Variants in PFKP observed in about 807,000 individuals in gnomAD.
PFKP encodes ATP-dependent 6-phosphofructokinase, platelet type.
Under a neutral mutation model 94.3 loss-of-function variants are expected in PFKP, and 101 were observed. The ratio of observed to expected loss-of-function variants is 1.07; its 90% CI spans 0.91 to 1.26. PFKP has a LOEUF of 1.26. PFKP is among the 50% of genes most tolerant of loss of function. The pLI, the probability that PFKP is intolerant of heterozygous loss-of-function variation, is 0.00. For missense variants in PFKP, 1,145 were observed against 1,103.3 expected, an observed-to-expected ratio of 1.04 and a Z score of -0.53; for synonymous variants, 573 against 432.6, an observed-to-expected ratio of 1.32 and a Z score of -4.03.
chr10:3,104,779 A>G (rs986926645), intron 5 of PFKP: 1 of 394,394 alleles, frequency 2.5e-6, no homozygotes, highest in Non-Finnish European at 4.6e-6. Context: ...GACTGTGCCC[A>G]ATAGAGAAGG....
intron 2 of PFKP, among the ~76,000 whole-genome samples, chr10:3,094,768 A>G (rs1834344171): frequency 1.3e-5 from 2 of 152,194 alleles, no homozygotes; most frequent in Admixed American, 1.3e-4. Flanking sequence ...TGACCTCTGC[A>G]TGCATGCTCT....
At chr10:3,125,242 T>C (rs1437993989) in intron 16 of PFKP, 10 of 1,318,024 alleles carry the variant, frequency 7.6e-6, no homozygotes, top group South Asian at 6.3e-5. Context: ...CTGAATGCTG[T>C]TGTTGAGGTA....
intron 5 of PFKP, chr10:3,104,814 G>A: frequency 2.1e-6 from 1 of 485,910 alleles, no homozygotes; most frequent in Non-Finnish European, 3.7e-6. Context: ...CCCAGCACGG[G>A]GCCGGGGAGT....
In PFKP at chr10:3,072,673, C is replaced by T. The variant is rs776740460; in HGVS notation, c.112+4966C>T. ...ACATTTTGTCATCTTTCGAAAGAAG[C>T]ATGTTTTCCCCCTTGGTTACAGAAA... is the stretch of plus-strand genomic sequence containing the variant. On this transcript the variant is annotated intron_variant, in intron 1 of 21. Transcript: ENST00000381125. Among the ~76,000 whole-genome samples, 2 of 151,976 alleles carry T rather than the reference C, an allele frequency of 1.3e-5. 1 individual carries two copies. Among genetic ancestry groups the T allele is most frequent in the Non-Finnish European group, 2.9e-5 (2 of 67,992 alleles).
chr10:3,104,006 G>A (rs565512762), intron 5 of PFKP, 62 bp downstream of exon 5: 104 of 1,491,838 alleles, frequency 7.0e-5, no homozygotes, highest in Middle Eastern at 5.2e-4. Context: ...CAGCTCAGAC[G>A]TTACCACGGG....
At chr10:3,089,247 C>T (rs988037083) in intron 2 of PFKP, among the ~76,000 whole-genome samples, 9 of 152,218 alleles carry the variant, frequency 5.9e-5, no homozygotes, top group African/African-American at 2.2e-4. Flanking sequence ...TGGCTTATTT[C>T]ACTTAACAGT....
chr10:3,114,154 T>TC (rs1213544477), intron 13 of PFKP, among the ~76,000 whole-genome samples: 2 of 27,242 alleles, frequency 7.3e-5, no homozygotes, highest in African/African-American at 1.8e-4. Flanking sequence ...TTTGTGAAAT[T>TC]CTTTTTTTTT....
intron 5 of PFKP, 93 bp downstream of exon 5, chr10:3,104,037 T>G (rs547047021): frequency 8.7e-7 from 1 of 1,149,670 alleles, no homozygotes; most frequent in South Asian, 1.5e-5. Context: ...TTCTGCAGAT[T>G]GGGTGTCCTG....
At chr10:3,117,501 A>C (rs1296429483) in intron 14 of PFKP, among the ~76,000 whole-genome samples, 1 of 152,172 alleles carries the variant, frequency 6.6e-6, no homozygotes, top group East Asian at 1.9e-4. Flanking sequence ...ATAATAAATG[A>C]TGGATTCCAT....
chr10:3,109,620 C>G, intron 10 of PFKP, 140 bp downstream of exon 10: 1 of 1,021,812 alleles, frequency 9.8e-7, no homozygotes, highest in Non-Finnish European at 1.4e-6. Flanking sequence ...GTGAGCTGCC[C>G]GTGGGGAGGG....
At chr10:3,100,055 T>TGGTG (rs1834842573) in intron 3 of PFKP, among the ~76,000 whole-genome samples, 2 of 120,886 alleles carry the variant, frequency 1.7e-5, no homozygotes, top group South Asian at 5.0e-4. Flanking sequence ...TGTAGGTGTG[T>TGGTG]GGTGTGTGTG....
chr10:3,125,177 C>T, intron 16 of PFKP: 2 of 1,349,396 alleles, frequency 1.5e-6, no homozygotes, highest in African/African-American at 1.5e-5. Context: ...TGGTGCCGGC[C>T]ACGATTAGCA....
chr10:3,102,126 C>T (rs1270312434), intron 4 of PFKP, among the ~76,000 whole-genome samples: 1 of 149,214 alleles, frequency 6.7e-6, no homozygotes, highest in Non-Finnish European at 1.5e-5. Flanking sequence ...TGGCGGGCGC[C>T]TGTAGTCCCA....
intron 2 of PFKP, among the ~76,000 whole-genome samples, chr10:3,088,831 C>T (rs377078817): frequency 2.6e-5 from 4 of 152,214 alleles, no homozygotes; most frequent in South Asian, 2.1e-4. Context: ...CCTCCCCTTC[C>T]ATACCTCTGA....
In PFKP at chr10:3,080,821, G is replaced by A. The variant is rs1564268724; in HGVS notation, c.113-1567G>A. Among the ~76,000 whole-genome samples the A allele has an allele frequency of 2.6e-5, 4 of 152,202 alleles. 1 individual carries two copies. The highest frequency in any genetic ancestry group is 5.9e-5 in the Non-Finnish European group (4 of 68,038). ...ATGTCAGAGGGAGTCAGGGAGTCGG[G>A]GGTAATGTTGGGAGCAGGTGTTGGT... On this transcript the variant is annotated intron_variant, in intron 1 of 21. Transcript: ENST00000381125.
rs1564249501 is a variant in PFKP, at chr10:3,067,689, A to G, written c.94A>G (p.Ser32Gly). The G allele has an allele frequency of 6.6e-7, 1 of 1,511,490 alleles. No individual in the cohort carries two copies. Among genetic ancestry groups the G allele is most frequent in the Non-Finnish European group, 8.9e-7 (1 of 1,128,852 alleles). The allele number at this position is 1,511,490 out of a possible 1,614,324, so 93.6% of individuals were successfully genotyped here. The change falls in exon 1 of 22, where the codon AGC becomes GGC. Residue 32 changes from serine (S) to glycine (G), a missense_variant. Physicochemically the swap from Ser to Gly is moderately conservative, Grantham distance 56. This residue lies in a region of PFKP where 1,119 missense variants were observed against 1,062.8 expected (regional missense o/e 1.05). Coordinates refer to ENST00000381125, the MANE Select transcript of PFKP (RefSeq NM_002627.5). ...CGGCAAGGCCATCGGCGTGCTGACC[A>G]GCGGCGGGGATGCTCAAGGTGCGCG... Reference protein sequence around the residue: ...GAGKAIGVLTSGGDAQGMNAA... With the variant: ...GAGKAIGVLTGGGDAQGMNAA...
rs747390489 is a variant in PFKP, at chr10:3,108,777, C to G, written c.947C>G (p.Ala316Gly). Residue 316 changes from alanine (A) to glycine (G), a missense_variant, in exon 9 of 22, where the codon GCA becomes GGA. By Grantham distance (60) the Ala-to-Gly change is moderately conservative. This residue lies in a region of PFKP where 1,119 missense variants were observed against 1,062.8 expected (regional missense o/e 1.05). Transcript: ENST00000381125. Reference protein sequence around the residue: ...GHVQRGGTPSAFDRILASRMG... With the variant: ...GHVQRGGTPSGFDRILASRMG... The stretch of plus-strand genomic sequence containing the variant: ...GTGCAGAGAGGAGGGACCCCTTCGG[C>G]ATTCGACAGGATCTTGGTGAGTTGG... The G allele has an allele frequency of 1.2e-6, 2 of 1,612,360 alleles. No individual in the cohort carries two copies. The highest frequency in any genetic ancestry group is 3.3e-5 in the Admixed American group (2 of 60,014).
intron 1 of PFKP, among the ~76,000 whole-genome samples, chr10:3,073,301 T>C (rs1832336684): frequency 6.6e-6 from 1 of 151,864 alleles, no homozygotes. Context: ...TTCCCTCCCC[T>C]CTTCCCTAAC....
At chr10:3,121,467 C>G (rs1239128374) in intron 16 of PFKP, among the ~76,000 whole-genome samples, 1 of 152,278 alleles carries the variant, frequency 6.6e-6, no homozygotes, top group African/African-American at 2.4e-5. Context: ...TCTTTTTTCC[C>G]TAATTGTTAC....
Sources: allele counts gnomAD v4.1 joint callset (sites outside exome capture counted in the v4.1 genomes callset), GRCh38; gene constraint gnomAD v4.1.1; regional missense constraint gnomAD v4.1.1; transcripts MANE v1.5; gene names NCBI Gene and HGNC (gene_info 2026-07-23, HGNC 2026-07-21).